MDGA2: variants seen among roughly 807,000 people sequenced by gnomAD.
MDGA2 encodes the protein MAM domain containing glycosylphosphatidylinositol anchor 2.
Under a neutral mutation model 117.8 loss-of-function variants are expected in MDGA2, and 40 were observed. That is an observed-to-expected ratio of 0.34 (90% CI 0.26 to 0.44). The LOEUF (loss-of-function observed/expected upper bound fraction) is 0.44. MDGA2 is among the 20% of genes least tolerant of loss of function. MDGA2 has a pLI of 1.00. For missense variants in MDGA2, 1,123 were observed against 1,250.6 expected (o/e 0.90, Z 1.54); for synonymous variants, 452 against 439.0 (o/e 1.03, Z -0.37).
chr14:46,969,480 T>C (rs1473558516), intron 8 of MDGA2, among the ~76,000 whole-genome samples: 1 of 152,204 alleles, frequency 6.6e-6, no homozygotes, highest in Non-Finnish European at 1.5e-5. Flanking sequence ...TGGTTTTGAT[T>C]TGCATTTCTC....
At chr14:47,579,251 A>G (rs1435927867) in intron 1 of MDGA2, among the ~76,000 whole-genome samples, 1 of 152,078 alleles carries the variant, frequency 6.6e-6, no homozygotes, top group African/African-American at 2.4e-5. Flanking sequence ...CAGTTGAATG[A>G]CTAATGAAGT....
intron 3 of MDGA2, among the ~76,000 whole-genome samples, chr14:47,162,420 C>A (rs1230045736): frequency 6.6e-6 from 1 of 152,118 alleles, no homozygotes; most frequent in South Asian, 2.1e-4. Flanking sequence ...TTGCTGTCTT[C>A]TTCTTTAATA....
At chr14:46,959,939 C>T (rs1885725572) in intron 8 of MDGA2, among the ~76,000 whole-genome samples, 1 of 151,854 alleles carries the variant, frequency 6.6e-6, no homozygotes, top group South Asian at 2.1e-4. Context: ...GTCTGTTGTA[C>T]ATAGTTGGGC....
At chr14:46,882,936 G>T (rs1882522204) in intron 10 of MDGA2, among the ~76,000 whole-genome samples, 1 of 151,886 alleles carries the variant, frequency 6.6e-6, no homozygotes, top group South Asian at 2.1e-4. Context: ...TCAGAGTAAT[G>T]AAGATGAAAG....
At chr14:47,304,430 C>T (rs1017821706) in intron 1 of MDGA2, among the ~76,000 whole-genome samples, 1 of 151,944 alleles carries the variant, frequency 6.6e-6, no homozygotes, top group African/African-American at 2.4e-5. Flanking sequence ...CAAACTAGAC[C>T]CAGACCTAGA....
At chr14:47,342,844 G>T in intron 1 of MDGA2, 2 of 343,556 alleles carry the variant, frequency 5.8e-6, no homozygotes, top group South Asian at 2.2e-5. Flanking sequence ...ATTAAACAAA[G>T]AAAACTTCCT....
intron 3 of MDGA2, among the ~76,000 whole-genome samples, chr14:47,196,608 T>C (rs1030982740): frequency 3.9e-5 from 6 of 152,224 alleles, no homozygotes; most frequent in African/African-American, 1.4e-4. Flanking sequence ...TTAAAAATTA[T>C]TTTCATTATT....
intron 5 of MDGA2, among the ~76,000 whole-genome samples, chr14:47,107,986 C>T (rs1190691495): frequency 1.2e-4 from 18 of 147,374 alleles, no homozygotes; most frequent in East Asian, 7.8e-4. Context: ...TGATAACAGA[C>T]CAGCCTTTAT....
chr14:47,190,901 C>T (rs1885083791), intron 3 of MDGA2, among the ~76,000 whole-genome samples: 1 of 152,036 alleles, frequency 6.6e-6, no homozygotes, highest in Admixed American at 6.6e-5. Context: ...TATTACACTA[C>T]CTTGTTTGAA....
At chr14:47,091,204 A>T (rs560289775) in intron 6 of MDGA2, among the ~76,000 whole-genome samples, 1 of 152,254 alleles carries the variant, frequency 6.6e-6, no homozygotes, top group East Asian at 1.9e-4. Flanking sequence ...CCAGAAAAGA[A>T]ATCTAATATG....
At chr14:46,976,475 A>G (rs1161899850) in intron 8 of MDGA2, among the ~76,000 whole-genome samples, 2 of 151,928 alleles carry the variant, frequency 1.3e-5, no homozygotes, top group Non-Finnish European at 2.9e-5. Context: ...AAATAAGAAA[A>G]CAGCTTGGTT....
At chr14:46,857,719 A>G (rs1020909611) in intron 14 of MDGA2, among the ~76,000 whole-genome samples, 4 of 152,066 alleles carry the variant, frequency 2.6e-5, no homozygotes, top group African/African-American at 9.7e-5. Context: ...CAGTGGTGCC[A>G]TGGCACCTCA....
At chr14:47,009,338 A>T (rs369097428) in intron 8 of MDGA2, among the ~76,000 whole-genome samples, 1 of 152,078 alleles carries the variant, frequency 6.6e-6, no homozygotes, top group African/African-American at 2.4e-5. Context: ...TTCTCCTAAG[A>T]TAACTATTAT....
In MDGA2 at chr14:46,982,734, A is replaced by AAAAAAAAATAAT. The variant is rs1449356596; in HGVS notation, c.1820-25092_1820-25091insATTATTTTTTTT. Among the ~76,000 whole-genome samples the AAAAAAAAATAAT allele has an allele frequency of 7.9e-4, 103 of 130,392 alleles. 1 individual carries two copies. The highest frequency in any genetic ancestry group is 1.2e-3 in the Non-Finnish European group (72 of 59,228). 85.5% of individuals were successfully genotyped at this position (130,392 alleles called of 152,430 possible). On this transcript the variant is annotated intron_variant, in intron 8 of 16. Transcript: ENST00000399232. ...AAAAAAAAAAAAAAAAAAAAAAAAA[A>AAAAAAAAATAAT]AATCATGTCATCTGCAACCAGGGAC...
intron 3 of MDGA2, among the ~76,000 whole-genome samples, chr14:47,158,363 G>GTGTGT (rs1555358939): frequency 0.11 from 15,551 of 146,580 alleles, 870 homozygotes; most frequent in Non-Finnish European, 0.12. Flanking sequence ...CCCTGGGGTG[G>GTGTGT]GTGTGTGTGT....
chr14:46,882,285 G>A lies in MDGA2; in HGVS notation c.2239-64C>T, dbSNP rs1882491608. 5 of 1,398,596 alleles carry A rather than the reference G, an allele frequency of 3.6e-6. No homozygotes were observed. In the East Asian group the frequency reaches 1.2e-4, roughly 35 times the overall value. 86.6% of individuals were successfully genotyped at this position (1,398,596 alleles called of 1,614,324 possible). On this transcript the variant is annotated intron_variant, in intron 10 of 16. Transcript: ENST00000399232. Reference sequence around the variant, plus strand: ...GTTCTTCAGAGGTACTAAGAAAATTGAAAACAAATTTTGAAATTTTATTAA... The same window carrying A: ...GTTCTTCAGAGGTACTAAGAAAATTAAAAACAAATTTTGAAATTTTATTAA...
intron 2 of MDGA2, among the ~76,000 whole-genome samples, chr14:47,219,013 C>T (rs1056395564): frequency 1.3e-5 from 2 of 151,948 alleles, no homozygotes; most frequent in African/African-American, 4.8e-5. Context: ...TGAATAAAAG[C>T]CACATACTCA....
intron 2 of MDGA2, among the ~76,000 whole-genome samples, chr14:47,245,780 G>A (rs1481778497): frequency 1.3e-5 from 2 of 151,710 alleles, no homozygotes; most frequent in African/African-American, 4.8e-5. Flanking sequence ...TCATTACCTA[G>A]TTGGAAATTC....
chr14:47,064,009 T>A (rs1889988058), intron 6 of MDGA2, among the ~76,000 whole-genome samples: 1 of 151,920 alleles, frequency 6.6e-6, no homozygotes, highest in Non-Finnish European at 1.5e-5. Flanking sequence ...ACTCAAAAAA[T>A]ACTGATAAAA....
Sources: gnomAD v4.1 joint callset for allele counts (sites outside exome capture counted in the v4.1 genomes callset) on GRCh38, gnomAD v4.1.1 for gene constraint, MANE v1.5 for transcripts, NCBI Gene and HGNC (gene_info 2026-07-23, HGNC 2026-07-21) for gene names.